The following PRPF3 variants were observed in gnomAD, a reference collection of about 807,000 sequenced individuals.
The protein encoded by PRPF3 is U4/U6 small nuclear ribonucleoprotein Prp3.
Under a neutral mutation model 89.2 loss-of-function variants are expected in PRPF3, and 3 were observed. That is an observed-to-expected ratio of 0.03 (90% confidence interval 0.02 to 0.09). The LOEUF is 0.09. Ranked by LOEUF, PRPF3 falls within the 10% of genes least tolerant of loss-of-function variation. The pLI is 1.00. For missense variants in PRPF3, 463 were observed against 828.8 expected (o/e 0.56, Z 5.42); for synonymous variants, 270 against 289.1 (o/e 0.93, Z 0.67).
At position 150,343,458 on chromosome 1, in the gene PRPF3, T is replaced by C; in HGVS notation, c.1426+6T>C. The C allele has an allele frequency of 6.2e-7, 1 of 1,613,014 alleles. No homozygotes were observed. The highest frequency in any genetic ancestry group is 8.5e-7 in the Non-Finnish European group (1 of 1,179,348). Reference sequence around the variant, plus strand: ...GCCTCCTCCAGAACCCAAAGGTGCATTTCTCAGTGGCCTCTTCTGTTAAAA... The same window carrying C: ...GCCTCCTCCAGAACCCAAAGGTGCACTTCTCAGTGGCCTCTTCTGTTAAAA... On this transcript the variant is annotated splice_donor_region_variant and intron_variant, in intron 10 of 15. Transcript: ENST00000324862.
intron 1 of PRPF3, among the ~76,000 whole-genome samples, chr1:150,322,605 A>C (rs1232029825): frequency 1.3e-5 from 2 of 152,204 alleles, no homozygotes; most frequent in African/African-American, 4.8e-5. Context: ...ACTGAGGCAG[A>C]AAATCTTTCA....
intron 14 of PRPF3, among the ~76,000 whole-genome samples, chr1:150,347,595 G>T (rs1447860586): frequency 6.6e-6 from 1 of 151,990 alleles, no homozygotes; most frequent in Non-Finnish European, 1.5e-5. Flanking sequence ...GGGCGTGGTG[G>T]TGGACCTCTG....
chr1:150,340,494 T>A lies in PRPF3; in HGVS notation c.1282+17T>A, dbSNP rs1442469470. On this transcript the variant is annotated intron_variant, in intron 9 of 15. Transcript: ENST00000324862. ...ATCCTCCAGGTAATGTATAGATTCCTGAATCAAGTCTCTAGAGCAGCATTA... is the reference window on the plus strand; with the variant it reads ...ATCCTCCAGGTAATGTATAGATTCCAGAATCAAGTCTCTAGAGCAGCATTA... 6.4e-7 allele frequency: 1 copy of A among 1,557,948 alleles called. No individual in the cohort carries two copies. Among genetic ancestry groups the A allele is most frequent in the African/African-American group, 1.4e-5 (1 of 73,658 alleles).
At chr1:150,350,814 A>T (rs1658849266) in intron 15 of PRPF3, among the ~76,000 whole-genome samples, 1 of 152,072 alleles carries the variant, frequency 6.6e-6, no homozygotes, top group African/African-American at 2.4e-5. Flanking sequence ...TACAAAAATT[A>T]GCCTGGCCTG....
chr1:150,341,633 T>A (rs1201809379), intron 9 of PRPF3, among the ~76,000 whole-genome samples: 1 of 151,968 alleles, frequency 6.6e-6, no homozygotes, highest in Non-Finnish European at 1.5e-5. Flanking sequence ...CTTGAACTCC[T>A]GACCTCAGGT....
At chr1:150,346,861 C>T (rs782077994) in intron 14 of PRPF3, among the ~76,000 whole-genome samples, 8 of 152,048 alleles carry the variant, frequency 5.3e-5, no homozygotes, top group Non-Finnish European at 1.0e-4. Flanking sequence ...CTGAGGCGGG[C>T]AGATTGCCTG....
chr1:150,323,426 T>C (rs1553862784), intron 1 of PRPF3, among the ~76,000 whole-genome samples: 1 of 151,820 alleles, frequency 6.6e-6, no homozygotes. Flanking sequence ...GGCAGATCAC[T>C]TGAGGTAAGG....
chr1:150,332,149 G>A (rs374803340), intron 4 of PRPF3, among the ~76,000 whole-genome samples: 1 of 152,008 alleles, frequency 6.6e-6, no homozygotes, highest in Admixed American at 6.6e-5. Flanking sequence ...GCATGAACCC[G>A]GGAGGCAGAG....
In PRPF3 at chr1:150,334,807, G is replaced by T. The variant is rs587647558; in HGVS notation, c.729-128G>T. On this transcript the variant is annotated intron_variant, in intron 6 of 15. Transcript: ENST00000324862. ...TGGTCTTTAACTCCTGGGCTCAAGT[G>T]ATCCCTCTGCCTTGGCCTCCCAAAA... 3.6e-5 allele frequency: 39 copies of T among 1,096,334 alleles called. No homozygotes were observed. In the East Asian group the frequency reaches 9.1e-4, roughly 26 times the overall value. The allele number at this position is 1,096,334 out of a possible 1,614,324, so 67.9% of individuals were successfully genotyped here.
intron 8 of PRPF3, among the ~76,000 whole-genome samples, chr1:150,338,735 G>C (rs587637789): frequency 6.6e-6 from 1 of 151,960 alleles, no homozygotes; most frequent in East Asian, 1.9e-4. Context: ...GGCTGGTCTC[G>C]AACTCCTGAC....
At chr1:150,329,762 T>A (rs1486394894) in intron 4 of PRPF3, 5 of 151,942 alleles carry the variant, frequency 3.3e-5, no homozygotes, top group African/African-American at 9.7e-5. Context: ...AAGAAATGGA[T>A]TTTTTTTGTG....
chr1:150,341,367 C>T (rs1657695982), intron 9 of PRPF3, among the ~76,000 whole-genome samples: 2 of 150,824 alleles, frequency 1.3e-5, no homozygotes, highest in East Asian at 3.9e-4. Flanking sequence ...TGTTAGTTTC[C>T]CAAAGTTGAA....
chr1:150,333,158 G>C lies in PRPF3; in HGVS notation c.687G>C (p.Met229Ile). 6.2e-7 allele frequency: 1 copy of C among 1,614,222 alleles called. No individual in the cohort carries two copies. The highest frequency in any genetic ancestry group is 8.5e-7 in the Non-Finnish European group (1 of 1,180,052). The change falls in exon 6 of 16, where the codon ATG becomes ATC. Residue 229 changes from methionine to isoleucine, a missense_variant. By Grantham distance (10) the Met-to-Ile change is conservative. This residue lies in a region of PRPF3 where 261 missense variants were observed against 475.8 expected (regional missense o/e 0.55). Coordinates refer to ENST00000324862, the MANE Select transcript of PRPF3 (RefSeq NM_004698.4). ...CAGGACTCATCGGCAATGCCAACATGGTGGGCCTGGCTAATCTCCATGCCA... is the reference window on the plus strand; with the variant it reads ...CAGGACTCATCGGCAATGCCAACATCGTGGGCCTGGCTAATCTCCATGCCA... ...LKPGLIGNAN[M>I]VGLANLHAMG...
In PRPF3 at chr1:150,352,973, T is replaced by C. The variant is rs782664652; in HGVS notation, c.2046T>C (p.Thr682=). The C allele has an allele frequency of 5.0e-6, 8 of 1,614,070 alleles. No individual in the cohort carries two copies. In the South Asian group the frequency reaches 8.8e-5, roughly 18 times the overall value. Residue 682 remains threonine, a synonymous_variant, in exon 16 of 16, where the codon ACT becomes ACC. Transcript: ENST00000324862. Reference sequence around the variant, plus strand: ...TGAGTGAATCTGTGTTAGAGTCCACTGATTGAGACTACTGCAAGCCCTTGC... The same window carrying C: ...TGAGTGAATCTGTGTTAGAGTCCACCGATTGAGACTACTGCAAGCCCTTGC... The part of the protein sequence containing the change: ...LALSESVLES[T]D
At chr1:150,340,822 A>C (rs1201854572) in intron 9 of PRPF3, among the ~76,000 whole-genome samples, 1 of 152,062 alleles carries the variant, frequency 6.6e-6, no homozygotes, top group African/African-American at 2.4e-5. Context: ...CAAGGAAAAA[A>C]AATTTGGCTG....
At position 150,338,202 on chromosome 1, in the gene PRPF3, C is replaced by A; in HGVS notation, c.1078C>A (p.Arg360=). 1 of 1,614,066 alleles carries A rather than the reference C, an allele frequency of 6.2e-7. No homozygotes were observed. The highest frequency in any genetic ancestry group is 8.5e-7 in the Non-Finnish European group (1 of 1,180,032). The change falls in exon 8 of 16, where the codon CGA becomes AGA. Residue 360 remains arginine, a synonymous_variant. Transcript: ENST00000324862. ...KLQAEISQAA[R]KTGIHTSTRL... ...ACAGGCAGAGATTTCACAAGCAGCT[C>A]GAAAAACAGGCATCCATACTTCGAC...
chr1:150,335,577 T>G (rs1656878979), intron 7 of PRPF3, among the ~76,000 whole-genome samples: 1 of 152,178 alleles, frequency 6.6e-6, no homozygotes, highest in Non-Finnish European at 1.5e-5. Flanking sequence ...GTGATTCTCC[T>G]GCCTCAGCCT....
At position 150,335,763 on chromosome 1, in the gene PRPF3, C is replaced by CT. The variant is rs34699046; in HGVS notation, c.1035+534dup. ...TACAGGCGTGAGCCACCGCCCCCGC[C>CT]TTTTTTTTTTTTGGGCGGGGAGGGG... On this transcript the variant is annotated intron_variant, in intron 7 of 15. Transcript: ENST00000324862. 2.5e-3 allele frequency among the ~76,000 whole-genome samples: 361 copies of CT among 142,214 alleles called. 19 individuals carry two copies. Among genetic ancestry groups the CT allele is most frequent in the Middle Eastern group, 7.3e-3 (2 of 274 alleles). The allele number at this position is 142,214 out of a possible 152,430, so 93.3% of individuals were successfully genotyped here.
chr1:150,322,192 T>C (rs587749418), intron 1 of PRPF3, among the ~76,000 whole-genome samples: 1 of 152,352 alleles, frequency 6.6e-6, no homozygotes, highest in South Asian at 2.1e-4. Flanking sequence ...TTATACTTTC[T>C]AGCCTATCAT....
Sources: gnomAD v4.1 joint callset for allele counts (sites outside exome capture counted in the v4.1 genomes callset) on GRCh38, gnomAD v4.1.1 for gene constraint, gnomAD v4.1.1 regional missense constraint, MANE v1.5 for transcripts, NCBI Gene and HGNC (gene_info 2026-07-23, HGNC 2026-07-21) for gene names.